FRYL: variants seen among roughly 807,000 people sequenced by gnomAD.
FRYL encodes protein furry homolog-like.
A neutral mutation model predicts 351.2 loss-of-function variants in FRYL; 150 were observed. That is an observed-to-expected ratio of 0.43 (90% confidence interval 0.37 to 0.49). The LOEUF (loss-of-function observed/expected upper bound fraction) is 0.49, where lower values mean the gene tolerates loss of function less well. FRYL is among the 20% of genes least tolerant of loss of function. The pLI, the probability that FRYL is intolerant of heterozygous loss-of-function variation, is 0.00. For synonymous variants in FRYL, 1,153 were observed against 1,257.1 expected, an observed-to-expected ratio of 0.92 and a Z score of 1.75; for missense variants, 3,036 against 3,619.3, an observed-to-expected ratio of 0.84 and a Z score of 4.13.
intron 13 of FRYL, among the ~76,000 whole-genome samples, chr4:48,598,520 T>G (rs1281264925): frequency 6.6e-6 from 1 of 152,186 alleles, no homozygotes; most frequent in East Asian, 1.9e-4. Context: ...CACTGGAAAT[T>G]TTTAAAACAT....
At chr4:48,661,846 G>A (rs962667591) in intron 3 of FRYL, among the ~76,000 whole-genome samples, 1 of 151,716 alleles carries the variant, frequency 6.6e-6, no homozygotes, top group African/African-American at 2.4e-5. Context: ...GGATGTAAAG[G>A]AAAAAATAAA....
chr4:48,515,904 T>C (rs1337094465), intron 55 of FRYL, among the ~76,000 whole-genome samples: 1 of 152,152 alleles, frequency 6.6e-6, no homozygotes, highest in Non-Finnish European at 1.5e-5. Flanking sequence ...ATAAATCGTC[T>C]CCTGTTTGAA....
chr4:48,576,866 C>A (rs1739729049), intron 23 of FRYL, among the ~76,000 whole-genome samples: 1 of 152,114 alleles, frequency 6.6e-6, no homozygotes, highest in Non-Finnish European at 1.5e-5. Context: ...TTCTATATAT[C>A]TTTAATTCAT....
intron 5 of FRYL, among the ~76,000 whole-genome samples, chr4:48,621,892 A>AT (rs1578391721): frequency 7.2e-5 from 11 of 152,276 alleles, no homozygotes; most frequent in Middle Eastern, 6.8e-3. Flanking sequence ...TGACAGGTAA[A>AT]TAGTTTCTAA....
chr4:48,623,278 G>T, intron 4 of FRYL, 99 bp from the exon 5 acceptor site: 1 of 720,246 alleles, frequency 1.4e-6, no homozygotes, highest in Non-Finnish European at 2.2e-6. Flanking sequence ...TTGTGCGTTT[G>T]GTTTTGCTCG....
chr4:48,570,293 G>A, intron 27 of FRYL, among the ~76,000 whole-genome samples: 1 of 152,154 alleles, frequency 6.6e-6, no homozygotes, highest in East Asian at 1.9e-4. Flanking sequence ...TGCCTTTACT[G>A]CGGCAATATC....
chr4:48,741,880 C>T (rs1772122414), intron 1 of FRYL, among the ~76,000 whole-genome samples: 1 of 152,102 alleles, frequency 6.6e-6, no homozygotes, highest in South Asian at 2.1e-4. Flanking sequence ...GAGGGATAAA[C>T]AGGTGGAGCA....
At chr4:48,570,088 A>G (rs532937109) in intron 27 of FRYL, among the ~76,000 whole-genome samples, 2 of 152,346 alleles carry the variant, frequency 1.3e-5, no homozygotes, top group South Asian at 4.1e-4. Context: ...TGCTGGGATT[A>G]CAGGCGTGAG....
intron 3 of FRYL, among the ~76,000 whole-genome samples, chr4:48,656,660 ATG>A (rs1209601071): frequency 6.9e-6 from 1 of 145,934 alleles, no homozygotes; most frequent in South Asian, 2.1e-4. Flanking sequence ...ATTATATATA[ATG>A]TGCATGTATG....
Position 48,620,743 on chromosome 4 carries a change from A to G in FRYL, c.210T>C (p.Cys70=). 6.2e-7 allele frequency: 1 copy of G among 1,613,910 alleles called. No individual in the cohort carries two copies. Among genetic ancestry groups the G allele is most frequent in the Non-Finnish European group, 8.5e-7 (1 of 1,179,832 alleles). Residue 70 remains cysteine, a synonymous_variant, in exon 6 of 64, where the codon TGT becomes TGC. Coordinates refer to ENST00000358350, the MANE Select transcript of FRYL (RefSeq NM_015030.2). ...ACAAGGTGCGAAGTAAGGAAGGGAGACAGTGCTCTGCTACTGAGCTCATAG... is the reference window on the plus strand; with the variant it reads ...ACAAGGTGCGAAGTAAGGAAGGGAGGCAGTGCTCTGCTACTGAGCTCATAG... ...ISSMSSVAEH[C]LPSLLRTLFD...
chr4:48,690,497 T>C (rs763165129), intron 2 of FRYL, among the ~76,000 whole-genome samples: 9 of 152,110 alleles, frequency 5.9e-5, no homozygotes, highest in Non-Finnish European at 1.3e-4. Context: ...AAACCTATAA[T>C]TAAAGTCTCC....
At chr4:48,733,640 C>T (rs1023729599) in intron 1 of FRYL, among the ~76,000 whole-genome samples, 13 of 152,108 alleles carry the variant, frequency 8.5e-5, no homozygotes, top group African/African-American at 2.7e-4. Flanking sequence ...TATATGCATA[C>T]ATATGTGTCT....
intron 2 of FRYL, among the ~76,000 whole-genome samples, chr4:48,691,888 T>C (rs1010946100): frequency 6.6e-6 from 1 of 152,196 alleles, no homozygotes; most frequent in African/African-American, 2.4e-5. Context: ...AAATATATTA[T>C]CTTCATTTAA....
intron 4 of FRYL, among the ~76,000 whole-genome samples, chr4:48,629,092 T>C (rs1430693865): frequency 6.6e-6 from 1 of 151,056 alleles, no homozygotes; most frequent in Admixed American, 6.6e-5. Flanking sequence ...CTATAAAAAG[T>C]TAATAATAAT....
intron 32 of FRYL, 75 bp downstream of exon 32, chr4:48,562,814 T>C (rs1735824833): frequency 2.4e-6 from 2 of 848,078 alleles, no homozygotes; most frequent in Non-Finnish European, 4.0e-6. Context: ...TCAGTATGCT[T>C]TAATAGCAAG....
At chr4:48,587,111 C>T (rs1370563348) in intron 18 of FRYL, among the ~76,000 whole-genome samples, 1 of 151,740 alleles carries the variant, frequency 6.6e-6, no homozygotes, top group African/African-American at 2.4e-5. Flanking sequence ...TAACTAAATA[C>T]TGGTTATTTT....
intron 1 of FRYL, among the ~76,000 whole-genome samples, chr4:48,743,157 T>C (rs1268055843): frequency 1.3e-5 from 2 of 151,936 alleles, no homozygotes; most frequent in East Asian, 1.9e-4. Flanking sequence ...AGAAAGAGAA[T>C]TGAATTAGGG....
intron 3 of FRYL, among the ~76,000 whole-genome samples, chr4:48,677,655 C>T (rs1218690573): frequency 6.6e-6 from 1 of 152,164 alleles, no homozygotes. Flanking sequence ...AGGTGATCCG[C>T]CTGCCTTGGC....
rs1553910206 is a variant in FRYL, at chr4:48,498,456, A to G, written c.*966T>C. On this transcript the variant is annotated 3_prime_UTR_variant, in exon 64 of 64. Transcript: ENST00000358350. ...CTCTACAGTTTCTATATGGAGTAAAATAAGTTAAAACTTTTCTAATGAGAA... is the reference window on the plus strand; with the variant it reads ...CTCTACAGTTTCTATATGGAGTAAAGTAAGTTAAAACTTTTCTAATGAGAA... 1.3e-5 allele frequency: 2 copies of G among 152,656 alleles called. No individual in the cohort carries two copies. Among genetic ancestry groups the G allele is most frequent in the Admixed American group, 6.5e-5 (1 of 15,284 alleles). The allele number at this position is 152,656 out of a possible 1,614,324, so 9.5% of individuals were successfully genotyped here. A position where few individuals can be genotyped will look rare whatever the true frequency, so the allele number is the denominator to read the frequency against.
Sources: allele counts gnomAD v4.1 joint callset (sites outside exome capture counted in the v4.1 genomes callset), GRCh38; gene constraint gnomAD v4.1.1; transcripts MANE v1.5; gene names NCBI Gene and HGNC (gene_info 2026-07-23, HGNC 2026-07-21).